Variants in TMEM39B observed in about 807,000 individuals in gnomAD.
The protein encoded by TMEM39B is transmembrane protein 39B.
In TMEM39B, 23 loss-of-function variants were observed where a neutral mutation model predicts 52.2. The ratio of observed to expected loss-of-function variants is 0.44; its 90% CI spans 0.32 to 0.62. The LOEUF (loss-of-function observed/expected upper bound fraction) is 0.62. TMEM39B is among the 20% of genes least tolerant of loss of function. The pLI, the probability that TMEM39B is intolerant of heterozygous loss-of-function variation, is 0.06. For missense variants in TMEM39B, 547 were observed against 642.0 expected (o/e 0.85, Z 1.60); for synonymous variants, 285 against 264.0 (o/e 1.08, Z -0.77).
chr1:32,073,737 G>A (rs1036584995), intron 1 of TMEM39B: 1 of 985,306 alleles, frequency 1.0e-6, no homozygotes, highest in Non-Finnish European at 1.2e-6. Flanking sequence ...GTACTTTTTA[G>A]AGACTTGTGG....
intron 5 of TMEM39B, among the ~76,000 whole-genome samples, chr1:32,089,361 G>A (rs1041127067): frequency 2.6e-5 from 4 of 151,770 alleles, no homozygotes; most frequent in Non-Finnish European, 4.4e-5. Context: ...TTGATCTCAT[G>A]GCTCAAGCAG....
intron 5 of TMEM39B, among the ~76,000 whole-genome samples, chr1:32,079,628 G>A (rs564692213): frequency 3.3e-5 from 5 of 152,074 alleles, no homozygotes; most frequent in African/African-American, 1.2e-4. Context: ...AGAATTCCTC[G>A]GCTCAAGCAA....
intron 5 of TMEM39B, among the ~76,000 whole-genome samples, chr1:32,090,392 G>T (rs548630766): frequency 5.9e-5 from 9 of 152,014 alleles, no homozygotes; most frequent in Non-Finnish European, 1.0e-4. Flanking sequence ...ACCGCCCTCT[G>T]CAAACTAAAG....
chr1:32,073,717 TCTTCG>T (rs1196133211), intron 1 of TMEM39B: 1 of 985,262 alleles, frequency 1.0e-6, no homozygotes. Flanking sequence ...AGGGCAGAGC[TCTTCG>T]CCAGGTACTT....
chr1:32,073,158 G>C (rs890812777), intron 1 of TMEM39B, 107 bp downstream of exon 1: 26 of 1,339,018 alleles, frequency 1.9e-5, no homozygotes, highest in Middle Eastern at 2.1e-4. Context: ...GTGACGGGAG[G>C]GGGAGGGGAT....
chr1:32,089,600 G>A (rs1467545846), intron 5 of TMEM39B, among the ~76,000 whole-genome samples: 2 of 151,344 alleles, frequency 1.3e-5, no homozygotes, highest in Admixed American at 1.3e-4. Context: ...GACTTGCCAG[G>A]GACACTCAGA....
Position 32,086,693 on chromosome 1 carries a change from G to A in TMEM39B, c.591-4982G>A, listed in dbSNP as rs575632352. ...GAGGTGGGAGGATGGCTTGAGCCTG[G>A]GAGGTGGAGGTTGCAATAAACTGAG... On this transcript the variant is annotated intron_variant, in intron 5 of 8. Coordinates refer to ENST00000336294, the MANE Select transcript of TMEM39B (RefSeq NM_018056.4). 4.6e-5 allele frequency among the ~76,000 whole-genome samples: 7 copies of A among 152,190 alleles called. No homozygotes were observed. The South Asian group carries it at 1.5e-3, about 32-fold the overall frequency.
chr1:32,100,035 G>A (rs1419609063), intron 7 of TMEM39B, among the ~76,000 whole-genome samples: 5 of 151,574 alleles, frequency 3.3e-5, no homozygotes, highest in Admixed American at 6.6e-5. Context: ...CGACAAGATC[G>A]AAACTCATTC....
intron 5 of TMEM39B, among the ~76,000 whole-genome samples, chr1:32,087,301 G>A (rs1165176613): frequency 8.2e-6 from 1 of 121,568 alleles, no homozygotes; most frequent in Non-Finnish European, 1.7e-5. Context: ...CTGGGGCACA[G>A]AGTGAGACTC....
chr1:32,082,892 A>G (rs1178690589), intron 5 of TMEM39B, among the ~76,000 whole-genome samples: 3 of 151,570 alleles, frequency 2.0e-5, no homozygotes, highest in Non-Finnish European at 1.5e-5. Context: ...CTCCAGCCTC[A>G]GCCTCCCGAG....
At position 32,102,755 on chromosome 1, in the gene TMEM39B, G is replaced by T. The variant is rs961408040; in HGVS notation, c.*82G>T. On this transcript the variant is annotated 3_prime_UTR_variant, in exon 9 of 9. Transcript: ENST00000336294. ...GGGGCTGTTGGGTAGAAGTGGTGGT[G>T]GGGGGGACAAAAGACAAAAAAATCC... 5 of 1,366,956 alleles carry T rather than the reference G, an allele frequency of 3.7e-6. No homozygotes were observed. Among genetic ancestry groups the T allele is most frequent in the Middle Eastern group, 2.0e-4 (1 of 5,120 alleles). 84.7% of individuals were successfully genotyped at this position (1,366,956 alleles called of 1,614,324 possible).
At chr1:32,076,557 T>C in intron 3 of TMEM39B, 1 of 691,128 alleles carries the variant, frequency 1.4e-6, no homozygotes, top group Non-Finnish European at 2.6e-6. Context: ...CACTCTCTTA[T>C]CCCCAGGGAC....
intron 1 of TMEM39B, chr1:32,073,792 G>A (rs1639739623): frequency 1.0e-6 from 1 of 985,278 alleles, no homozygotes. Flanking sequence ...AATTGGCTCC[G>A]AAGTGTGGGA....
intron 1 of TMEM39B, 42 bp from the exon 2 acceptor site, chr1:32,074,909 T>A (rs1458052663): frequency 1.3e-6 from 2 of 1,528,510 alleles, no homozygotes; most frequent in East Asian, 2.5e-5. Context: ...CCTTGATATA[T>A]GCCCCCTGGC....
rs137948079 is a variant in TMEM39B at position 32,094,909 on chromosome 1, C to T, written c.1053C>T (p.Ala351=). The T allele has an allele frequency of 2.7e-5, 44 of 1,613,854 alleles. No individual in the cohort carries two copies. Among genetic ancestry groups the T allele is most frequent in the Non-Finnish European group, 3.4e-5 (40 of 1,180,050 alleles). Residue 351 remains alanine (A), a synonymous_variant, in exon 7 of 9, where the codon GCC becomes GCT. Coordinates refer to ENST00000336294, the MANE Select transcript of TMEM39B (RefSeq NM_018056.4). ...ACTGTGACCTGCTGCACAAGGCCGC[C>T]GCCCATCTGGGCTGTTGGCAGAAGG... ...ASYCDLLHKA[A]AHLGCWQKVD...
intron 8 of TMEM39B, among the ~76,000 whole-genome samples, chr1:32,101,724 G>A (rs1406689867): frequency 6.6e-6 from 1 of 152,128 alleles, no homozygotes; most frequent in African/African-American, 2.4e-5. Context: ...CTGGTCTCTT[G>A]GCCTCCCATT....
chr1:32,079,185 C>CTTT (rs763260333), intron 5 of TMEM39B, among the ~76,000 whole-genome samples: 3 of 129,174 alleles, frequency 2.3e-5, no homozygotes, highest in Admixed American at 8.0e-5. Flanking sequence ...CTATTTCTTT[C>CTTT]TTTTTTTTTT....
Position 32,075,095 on chromosome 1 carries a change from C to T in TMEM39B, c.131+18C>T. 1 of 1,543,638 alleles carries T rather than the reference C, an allele frequency of 6.5e-7. No homozygotes were observed. Among genetic ancestry groups the T allele is most frequent in the Non-Finnish European group, 8.8e-7 (1 of 1,142,296 alleles). On this transcript the variant is annotated intron_variant, in intron 2 of 8. Transcript: ENST00000336294. ...CGCACCAGGTAAACCACCTCTCTGT[C>T]TCACCCCTCACTGTGGCCTCACAGG...
chr1:32,100,300 C>G, intron 7 of TMEM39B, 142 bp from the exon 8 acceptor site: 2 of 936,152 alleles, frequency 2.1e-6, no homozygotes, highest in South Asian at 4.0e-5. Flanking sequence ...GAGGAGGCAA[C>G]TGAAACCCAG....
Sources: gnomAD v4.1 joint callset for allele counts (sites outside exome capture counted in the v4.1 genomes callset) on GRCh38, gnomAD v4.1.1 for gene constraint, MANE v1.5 for transcripts, NCBI Gene and HGNC (gene_info 2026-07-23, HGNC 2026-07-21) for gene names.